Variants in FCHO1 observed in about 807,000 individuals in gnomAD.
FCHO1 encodes the protein FCH and mu domain containing endocytic adaptor 1, also known as F-BAR domain only protein 1.
FCHO1 carries 45 observed loss-of-function variants against 114.4 expected under a neutral mutation model. That is an observed-to-expected ratio of 0.39 (90% CI 0.31 to 0.50). The LOEUF is 0.50. Ranked by LOEUF, FCHO1 falls within the 20% of genes least tolerant of loss-of-function variation. The pLI is 0.77. For missense variants in FCHO1, 1,042 were observed against 1,209.6 expected, an observed-to-expected ratio of 0.86 and a Z score of 2.06; for synonymous variants, 480 against 488.9, an observed-to-expected ratio of 0.98 and a Z score of 0.24.
intron 20 of FCHO1, among the ~76,000 whole-genome samples, chr19:17,780,161 CTTTT>C (rs11400972): frequency 9.7e-6 from 1 of 103,370 alleles, no homozygotes. Context: ...AGAAGAAGCT[CTTTT>C]TTTTTTTTTT....
At chr19:17,751,321 C>CA (rs2081899859), upstream of FCHO1, among the ~76,000 whole-genome samples, 1 of 152,102 alleles carries the variant, frequency 6.6e-6, no homozygotes, top group Non-Finnish European at 1.5e-5. This position sits in a 1 kb window ranked among gnomAD's most constrained non-coding sequence, Gnocchi z 4.4. Flanking sequence ...AGGTTCAGGC[C>CA]GGGGGGCTCC....
chr19:17,764,457 G>A lies in FCHO1; in HGVS notation c.194+8G>A, dbSNP rs147597811. 2 of 1,602,626 alleles carry A rather than the reference G, an allele frequency of 1.2e-6. No individual in the cohort carries two copies. The highest frequency in any genetic ancestry group is 2.7e-5 in the African/African-American group (2 of 74,526). On this transcript the variant is annotated splice_region_variant and intron_variant, in intron 6 of 28. Transcript: ENST00000596536. ...CAACGGGACCCCCATGGGGTGAGTG[G>A]GGTAGGGGTCACCAACATGGGGACA...
In FCHO1 at chr19:17,778,164, G is replaced by C; in HGVS notation, c.1287G>C (p.Glu429Asp). The C allele has an allele frequency of 6.2e-7, 1 of 1,613,992 alleles. No individual in the cohort carries two copies. The highest frequency in any genetic ancestry group is 8.5e-7 in the Non-Finnish European group (1 of 1,179,958). The change falls in exon 19 of 29, where the codon GAG (glutamate) becomes GAC (aspartate). Residue 429 changes from glutamate to aspartate, a missense_variant. This residue lies in a region of FCHO1 where 455 missense variants were observed against 455.4 expected (regional missense o/e 1.00). Coordinates refer to ENST00000596536, the MANE Select transcript of FCHO1 (RefSeq NM_015122.3). ...GTGCAGAGAGATTGCAGTCAGAGGA[G>C]CAGGTGTCCAAGAACCTCTTTGGGC... is the stretch of plus-strand genomic sequence containing the variant. ...SSCAERLQSE[E>D]QVSKNLFGPP...
At chr19:17,774,547 CAG>C (rs1260422890) in intron 13 of FCHO1, 69 bp downstream of exon 13, 4 of 1,273,862 alleles carry the variant, frequency 3.1e-6, no homozygotes, top group Non-Finnish European at 4.5e-6. Flanking sequence ...CAGGCTATCC[CAG>C]AAGTCCCCTC....
intron 11 of FCHO1, 131 bp from the exon 12 acceptor site, chr19:17,774,108 C>T (rs1202373947): frequency 3.9e-6 from 3 of 776,014 alleles, no homozygotes; most frequent in East Asian, 2.6e-5. Context: ...AGGGTTTCAC[C>T]ATGGTGGCCA....
rs1421848588 is a variant in FCHO1 at position 17,776,065 on chromosome 19, G to A, written c.1086G>A (p.Lys362=). The part of the protein sequence containing the change: ...EEPRKFYVHI[K]PAPARAPACS... ...CCCGCAAGTTCTATGTGCACATCAA[G>A]CCTGCCCCGGCCCGGGCTCCAGCCT... The change falls in exon 16 of 29, where the codon AAG becomes AAA. Residue 362 remains lysine, a synonymous_variant. Transcript: ENST00000596536. This position sits in a 1 kb window ranked among gnomAD's most constrained non-coding sequence, Gnocchi z 4.4. 1.9e-6 allele frequency: 3 copies of A among 1,611,128 alleles called. No homozygotes were observed. Among genetic ancestry groups the A allele is most frequent in the South Asian group, 1.1e-5 (1 of 91,084 alleles).
chr19:17,787,997 G>A, intron 28 of FCHO1, 151 bp downstream of exon 28: 3 of 1,008,808 alleles, frequency 3.0e-6, no homozygotes, highest in Non-Finnish European at 2.9e-6. Context: ...GGCACAGGTG[G>A]GCAAGGAGGC....
chr19:17,755,163 G>C lies in FCHO1; in HGVS notation c.-2G>C. 1.9e-6 allele frequency: 3 copies of C among 1,612,370 alleles called. No homozygotes were observed. Among genetic ancestry groups the C allele is most frequent in the Non-Finnish European group, 2.5e-6 (3 of 1,179,358 alleles). ...GCAGGGGTCTCCACAGAGACCATCAGGATGTCGTATTTTGGGGAGCATTTT... is the reference window on the plus strand; with the variant it reads ...GCAGGGGTCTCCACAGAGACCATCACGATGTCGTATTTTGGGGAGCATTTT... On this transcript the variant is annotated 5_prime_UTR_variant, in exon 4 of 29. Transcript: ENST00000596536.
At chr19:17,753,494 T>A (rs867055140) in intron 1 of FCHO1, among the ~76,000 whole-genome samples, 50 of 152,308 alleles carry the variant, frequency 3.3e-4, no homozygotes, top group African/African-American at 1.0e-3. Flanking sequence ...CGGTGATATC[T>A]GTGTCCAGCT....
Position 17,783,271 on chromosome 19 carries a change from CT to C in FCHO1, c.2093+109del, listed in dbSNP as rs1278965275. Reference sequence around the variant, plus strand: ...TCTGCTTCCTGGGATTTTTTCTTTTCTTTTTTTTTTGTAGAGACGGAGTCTT... The same window carrying C: ...TCTGCTTCCTGGGATTTTTTCTTTTCTTTTTTTTTGTAGAGACGGAGTCTT... On this transcript the variant is annotated intron_variant, in intron 24 of 28. Coordinates refer to ENST00000596536, the MANE Select transcript of FCHO1 (RefSeq NM_015122.3). 4.2e-3 allele frequency: 3,094 copies of C among 740,762 alleles called. 1 individual carries two copies. Among genetic ancestry groups the C allele is most frequent in the East Asian group, 6.1e-3 (169 of 27,882 alleles). 45.9% of individuals were successfully genotyped at this position (740,762 alleles called of 1,614,324 possible).
At position 17,778,665 on chromosome 19, in the gene FCHO1, G is replaced by A. The variant is rs2092970572; in HGVS notation, c.1408G>A (p.Glu470Lys). Residue 470 changes from glutamate (E) to lysine (K), a missense_variant, in exon 20 of 29, where the codon GAA (glutamate) becomes AAA (lysine). By Grantham distance (56) the Glu-to-Lys change is moderately conservative (BLOSUM62 1). This residue lies in a region of FCHO1 where 455 missense variants were observed against 455.4 expected (regional missense o/e 1.00). Transcript: ENST00000596536. ...CTCCCCTTTCTCCTCCTCGTCGCCC[G>A]AAAACGTGGAGGATTCCGGCCTGGA... ...SPSPFSSSSP[E>K]NVEDSGLDSP... The A allele has an allele frequency of 6.4e-7, 1 of 1,572,486 alleles. No homozygotes were observed. Among genetic ancestry groups the A allele is most frequent in the Non-Finnish European group, 8.6e-7 (1 of 1,163,222 alleles).
At chr19:17,748,458 C>T (rs1441264727), upstream of FCHO1, among the ~76,000 whole-genome samples, 2 of 149,958 alleles carry the variant, frequency 1.3e-5, no homozygotes, top group Non-Finnish European at 3.0e-5. Flanking sequence ...GGTCCCCTGC[C>T]TGGCACGGTT....
chr19:17,749,761 C>G (rs1255009082), upstream of FCHO1, among the ~76,000 whole-genome samples: 1 of 152,122 alleles, frequency 6.6e-6, no homozygotes, highest in Non-Finnish European at 1.5e-5. Flanking sequence ...GTGATCGCAG[C>G]CCAGGTGGCG....
chr19:17,779,192 G>A (rs2093049860), intron 20 of FCHO1, among the ~76,000 whole-genome samples: 1 of 152,152 alleles, frequency 6.6e-6, no homozygotes, highest in South Asian at 2.1e-4. Flanking sequence ...AAAGGTCCTG[G>A]GGCAGGAGCG....
intron 4 of FCHO1, chr19:17,755,430 G>A: frequency 2.5e-6 from 1 of 398,354 alleles, no homozygotes; most frequent in South Asian, 5.1e-5. Flanking sequence ...GGGCCAGAGT[G>A]GGAACGTCTA....
At chr19:17,773,875 A>C in intron 11 of FCHO1, among the ~76,000 whole-genome samples, 1 of 145,678 alleles carries the variant, frequency 6.9e-6, no homozygotes, top group African/African-American at 2.5e-5. Flanking sequence ...CCCCACCCTC[A>C]ATTTAGTTTC....
chr19:17,755,130 C>T lies in FCHO1; in HGVS notation c.-35C>T, dbSNP rs374696612. ...CCTCTCTCTTCAGACAGGCACTGGA[C>T]GGGGCCTGCAGGGGTCTCCACAGAG... On this transcript the variant is annotated 5_prime_UTR_variant, in exon 4 of 29. It adds an upstream start codon to the 5' untranslated region. Coordinates refer to ENST00000596536, the MANE Select transcript of FCHO1 (RefSeq NM_015122.3). 2.8e-5 allele frequency: 45 copies of T among 1,612,244 alleles called. No homozygotes were observed. The highest frequency in any genetic ancestry group is 2.0e-4 in the African/African-American group (15 of 74,846).
At position 17,762,863 on chromosome 19, in the gene FCHO1, C is replaced by A; in HGVS notation, c.119+10C>A. On this transcript the variant is annotated intron_variant, in intron 5 of 28. Coordinates refer to ENST00000596536, the MANE Select transcript of FCHO1 (RefSeq NM_015122.3). ...ACTTCATCCGGGAGAGGTGAGGTCC[C>A]CAAGCCCCATCCACCAGAGGCCACG... 1 of 1,593,430 alleles carries A rather than the reference C, an allele frequency of 6.3e-7. No homozygotes were observed. The highest frequency in any genetic ancestry group is 8.6e-7 in the Non-Finnish European group (1 of 1,161,588).
chr19:17,776,222 G>T lies in FCHO1; in HGVS notation c.1183-25G>T, dbSNP rs200702987. The T allele has an allele frequency of 6.8e-6, 11 of 1,614,020 alleles. No homozygotes were observed. Among genetic ancestry groups the T allele is most frequent in the Non-Finnish European group, 9.3e-6 (11 of 1,180,020 alleles). ...AGAGGCTGGCTGGATGCATTCGTGT[G>T]TGATGTTGCCCACTTTGTCCACAGG... On this transcript the variant is annotated intron_variant, in intron 16 of 28. Transcript: ENST00000596536. The surrounding 1 kb of genome is among the most constrained non-coding windows in gnomAD (Gnocchi z 4.4).
Sources: allele counts gnomAD v4.1 joint callset (sites outside exome capture counted in the v4.1 genomes callset), GRCh38; gene constraint gnomAD v4.1.1; regional missense constraint gnomAD v4.1.1; non-coding constraint Gnocchi (gnomAD v3.1); transcripts MANE v1.5; gene names NCBI Gene and HGNC (gene_info 2026-07-23, HGNC 2026-07-21).